POLA2: variants seen among roughly 807,000 people sequenced by gnomAD.
POLA2 encodes the protein DNA polymerase alpha 2, accessory subunit.
A neutral mutation model predicts 82.8 loss-of-function variants in POLA2; 47 were observed. The ratio of observed to expected loss-of-function variants is 0.57; its 90% CI spans 0.45 to 0.72. POLA2 has a LOEUF of 0.72. Ranked by LOEUF, POLA2 falls within the 30% of genes least tolerant of loss-of-function variation. The pLI is 0.00. For synonymous variants in POLA2, 287 were observed against 286.8 expected (o/e 1.00, Z -0.01); for missense variants, 634 against 728.1 (o/e 0.87, Z 1.49).
At chr11:65,278,249 A>C (rs1854951704) in intron 5 of POLA2, among the ~76,000 whole-genome samples, 1 of 152,186 alleles carries the variant, frequency 6.6e-6, no homozygotes, top group South Asian at 2.1e-4. Context: ...AAAATTGATT[A>C]ATTTGAATTT....
intron 11 of POLA2, among the ~76,000 whole-genome samples, chr11:65,288,693 A>AT (rs1023597094): frequency 2.0e-5 from 3 of 151,786 alleles, no homozygotes; most frequent in East Asian, 1.9e-4. Flanking sequence ...TAATTTTTGT[A>AT]TTTTTTTGTA....
chr11:65,261,998 T>C lies in POLA2; in HGVS notation c.-295T>C. 2.1e-6 allele frequency: 1 copy of C among 473,468 alleles called. No homozygotes were observed. Among genetic ancestry groups the C allele is most frequent in the South Asian group, 2.8e-5 (1 of 35,848 alleles). 29.3% of individuals were successfully genotyped at this position (473,468 alleles called of 1,614,324 possible). On this transcript the variant is annotated 5_prime_UTR_variant, in exon 1 of 18. Transcript: ENST00000265465. ...CGTCACTGAGAAGCTCAGCGGTAGCTTTTGGGAAGCAGGACGTTCTCACCA... is the reference window on the plus strand; with the variant it reads ...CGTCACTGAGAAGCTCAGCGGTAGCCTTTGGGAAGCAGGACGTTCTCACCA...
At chr11:65,299,199 G>A (rs1483278077), downstream of POLA2, among the ~76,000 whole-genome samples, 1 of 152,196 alleles carries the variant, frequency 6.6e-6, no homozygotes, top group African/African-American at 2.4e-5. Context: ...AGGAGGTCAG[G>A]CCCGTCTGCC....
At chr11:65,286,682 C>T (rs1382815300) in intron 10 of POLA2, among the ~76,000 whole-genome samples, 1 of 152,194 alleles carries the variant, frequency 6.6e-6, no homozygotes, top group Admixed American at 6.5e-5. Flanking sequence ...TGAGCCACCA[C>T]ACCTGGCCAA....
At chr11:65,276,813 A>G (rs1336515466) in intron 5 of POLA2, among the ~76,000 whole-genome samples, 1 of 136,478 alleles carries the variant, frequency 7.3e-6, no homozygotes, top group Non-Finnish European at 1.5e-5. Flanking sequence ...TTTTTTTGAG[A>G]TGGACTCTCA....
intron 3 of POLA2, among the ~76,000 whole-genome samples, chr11:65,267,965 A>AT (rs1305824881): frequency 1.3e-5 from 2 of 150,766 alleles, no homozygotes; most frequent in Non-Finnish European, 3.0e-5. Flanking sequence ...ATAATTTTGT[A>AT]TTTTTTTTGG....
At chr11:65,263,683 C>A (rs952438599) in intron 1 of POLA2, among the ~76,000 whole-genome samples, 1 of 151,348 alleles carries the variant, frequency 6.6e-6, no homozygotes, top group African/African-American at 2.4e-5. Flanking sequence ...CAAAATTAGT[C>A]GGGCGTGGTG....
Position 65,278,932 on chromosome 11 carries a change from T to C in POLA2, c.655+9T>C, listed in dbSNP as rs201617099. On this transcript the variant is annotated intron_variant, in intron 6 of 17. Transcript: ENST00000265465. Reference sequence around the variant, plus strand: ...CCCAGACATTCGAGAAGGTGATTGTTTTTCCCTTTGAAATTCTGGTGGATA... The same window carrying C: ...CCCAGACATTCGAGAAGGTGATTGTCTTTCCCTTTGAAATTCTGGTGGATA... The C allele has an allele frequency of 2.5e-6, 4 of 1,611,498 alleles. No homozygotes were observed. The highest frequency in any genetic ancestry group is 3.4e-6 in the Non-Finnish European group (4 of 1,179,290).
chr11:65,305,485 CAAG>C (rs1167028064), exon 9 of POLA2: 4 of 436,308 alleles, frequency 9.2e-6, no homozygotes, highest in East Asian at 1.4e-4. Flanking sequence ...GCACAGTCTC[CAAG>C]AAGGACAAGC....
intron 5 of POLA2, among the ~76,000 whole-genome samples, chr11:65,278,496 C>T (rs775062789): frequency 6.6e-6 from 1 of 152,202 alleles, no homozygotes; most frequent in African/African-American, 2.4e-5. Flanking sequence ...ACGTTTCTGT[C>T]TCTAAACTTC....
At chr11:65,276,672 A>G (rs1392403638) in intron 5 of POLA2, among the ~76,000 whole-genome samples, 2 of 152,060 alleles carry the variant, frequency 1.3e-5, no homozygotes, top group Admixed American at 6.6e-5. Flanking sequence ...CCACATCAAG[A>G]TGAGGCTCCG....
rs1949801125 is a variant in POLA2, at chr11:65,295,572, T to C, written c.1493T>C (p.Ile498Thr). 1.2e-6 allele frequency: 2 copies of C among 1,614,042 alleles called. No homozygotes were observed. The highest frequency in any genetic ancestry group is 2.2e-5 in the East Asian group (1 of 44,884). Residue 498 changes from isoleucine (I) to threonine (T), a missense_variant, in exon 16 of 18, where the codon ATA becomes ACA. Transcript: ENST00000265465. ...SSGTSDRFSR[I>T]LKHILTQRSY... is the part of the protein sequence containing the mutation. ...GGAACTTCAGACAGATTCAGCCGAA[T>C]ACTCAAGCACATCTTGACCCAGAGG...
chr11:65,296,129 C>G, intron 17 of POLA2, 139 bp downstream of exon 17: 3 of 874,998 alleles, frequency 3.4e-6, no homozygotes, highest in Admixed American at 2.1e-5. Flanking sequence ...GGCCTTGTTT[C>G]TTTGGGGAGG....
chr11:65,305,146 C>G (rs1354184530), intron 8 of POLA2, among the ~76,000 whole-genome samples: 1 of 152,140 alleles, frequency 6.6e-6, no homozygotes. Flanking sequence ...CAAATTTTCT[C>G]TCCCTTCTAC....
chr11:65,276,894 G>C (rs1354079988), intron 5 of POLA2, among the ~76,000 whole-genome samples: 1 of 150,718 alleles, frequency 6.6e-6, no homozygotes, highest in Non-Finnish European at 1.5e-5. Flanking sequence ...CGGTTCAAGC[G>C]ATTCTCCTGC....
At position 65,289,862 on chromosome 11, in the gene POLA2, G is replaced by A; in HGVS notation, c.1234G>A (p.Gly412Ser). 6.3e-7 allele frequency: 1 copy of A among 1,599,846 alleles called. No individual in the cohort carries two copies. Among genetic ancestry groups the A allele is most frequent in the Non-Finnish European group, 8.6e-7 (1 of 1,167,056 alleles). The change falls in exon 13 of 18, where the codon GGC becomes AGC. Residue 412 changes from glycine (G) to serine (S), a missense_variant. Physicochemically the swap from Gly to Ser is moderately conservative, Grantham distance 56 (BLOSUM62 0). Coordinates refer to ENST00000265465, the MANE Select transcript of POLA2 (RefSeq NM_002689.4). ...GCAGTGTCTACGAACAATTATTGAA[G>A]GCACAAGAAGGTCAGATTTCAAAAT... ...FKQCLRTIIE[G>S]TRSSGSHLVF...
intron 8 of POLA2, among the ~76,000 whole-genome samples, chr11:65,303,980 GC>G (rs1442038232): frequency 6.6e-6 from 1 of 152,166 alleles, no homozygotes; most frequent in African/African-American, 2.4e-5. Context: ...AGTGGACACT[GC>G]AGAGCATCAG....
intron 8 of POLA2, 149 bp from the exon 9 acceptor site, chr11:65,281,521 G>A (rs1478819037): frequency 9.3e-6 from 6 of 642,586 alleles, no homozygotes; most frequent in Non-Finnish European, 1.4e-5. Flanking sequence ...CTAATGCAAC[G>A]CCCTTAATTC....
intron 13 of POLA2, among the ~76,000 whole-genome samples, chr11:65,290,593 G>A (rs1949744722): frequency 6.6e-6 from 1 of 152,104 alleles, no homozygotes; most frequent in Non-Finnish European, 1.5e-5. Context: ...ACCGAGATCA[G>A]CTAGAACCCT....
Sources: gnomAD v4.1 joint callset for allele counts (sites outside exome capture counted in the v4.1 genomes callset) on GRCh38, gnomAD v4.1.1 for gene constraint, MANE v1.5 for transcripts, NCBI Gene and HGNC (gene_info 2026-07-23, HGNC 2026-07-21) for gene names.